Variants in MAD1L1 observed in about 807,000 individuals in gnomAD.
MAD1L1 encodes mitotic arrest deficient 1 like 1.
A neutral mutation model predicts 96.9 loss-of-function variants in MAD1L1; 95 were observed. The observed-to-expected ratio is 0.98, with a 90% CI of 0.83 to 1.16. MAD1L1 has a LOEUF of 1.16. Among genes scored for constraint, MAD1L1 ranks in the 50% most tolerant of loss-of-function variants. The probability of loss-of-function intolerance (pLI) is 0.00; values close to 1 mark genes in which losing one functional copy is unlikely to be tolerated. For missense variants in MAD1L1, 1,007 were observed against 954.4 expected (o/e 1.06, Z -0.73); for synonymous variants, 473 against 396.6 (o/e 1.19, Z -2.29).
intron 11 of MAD1L1, among the ~76,000 whole-genome samples, chr7:2,136,424 G>A (rs531819928): frequency 2.6e-4 from 40 of 152,334 alleles, no homozygotes; most frequent in South Asian, 1.2e-3. Context: ...AGGGGGACAC[G>A]TGTGGAGTGC....
At chr7:1,989,183 C>G (rs1015245237) in intron 14 of MAD1L1, among the ~76,000 whole-genome samples, 4 of 152,204 alleles carry the variant, frequency 2.6e-5, no homozygotes, top group African/African-American at 7.2e-5. Context: ...AACAAAGCCA[C>G]GGGAGCCACT....
At chr7:1,955,525 A>C (rs1779687724) in intron 16 of MAD1L1, among the ~76,000 whole-genome samples, 1 of 152,212 alleles carries the variant, frequency 6.6e-6, no homozygotes, top group Admixed American at 6.5e-5. Context: ...TCCTGACCTC[A>C]GGCAATCCAC....
chr7:2,102,382 T>TCAC (rs530516327), intron 11 of MAD1L1, among the ~76,000 whole-genome samples: 4 of 141,414 alleles, frequency 2.8e-5, no homozygotes, highest in African/African-American at 1.1e-4. Context: ...ACCGTCACCA[T>TCAC]CACCACCACC....
rs183704346 is a variant in MAD1L1 at position 1,827,128 on chromosome 7, C to T, written c.1999-10900G>A. On this transcript the variant is annotated intron_variant, in intron 18 of 18. Transcript: ENST00000265854. ...CGCAGCCCCTGCTGTGAGTGGCATC[C>T]GCCACGGGCGGCTCCAAGGGCCGTG... 9.9e-4 allele frequency among the ~76,000 whole-genome samples: 151 copies of T among 152,332 alleles called. 1 individual carries two copies. The East Asian group carries it at 0.026, about 27-fold the overall frequency.
At chr7:1,876,273 G>A (rs1329823326) in intron 18 of MAD1L1, among the ~76,000 whole-genome samples, 1 of 152,022 alleles carries the variant, frequency 6.6e-6, no homozygotes, top group Non-Finnish European at 1.5e-5. Flanking sequence ...TCCTTCTCTG[G>A]AGGCTAAGGG....
At chr7:1,982,981 T>C (rs1780974850) in intron 14 of MAD1L1, among the ~76,000 whole-genome samples, 1 of 152,204 alleles carries the variant, frequency 6.6e-6, no homozygotes, top group Admixed American at 6.5e-5. Flanking sequence ...AAAATCAAGC[T>C]GACAGGCTGG....
At position 1,941,243 on chromosome 7, in the gene MAD1L1, G is replaced by A. The variant is rs189690772; in HGVS notation, c.1597-4346C>T. On this transcript the variant is annotated intron_variant, in intron 16 of 18. Coordinates refer to ENST00000265854, the MANE Select transcript of MAD1L1 (RefSeq NM_001013836.2). ...TCCCCGGGGTGGATGTCCTGGCAACGTTCAACGTTCCACGGGCAGGAACGA... is the reference window on the plus strand; with the variant it reads ...TCCCCGGGGTGGATGTCCTGGCAACATTCAACGTTCCACGGGCAGGAACGA... Among the ~76,000 whole-genome samples the A allele has an allele frequency of 1.8e-4, 28 of 152,284 alleles. No individual in the cohort carries two copies. In the East Asian group the frequency reaches 3.5e-3, roughly 19 times the overall value.
chr7:1,871,524 C>T (rs1330885867), intron 18 of MAD1L1, among the ~76,000 whole-genome samples: 14 of 148,108 alleles, frequency 9.5e-5, no homozygotes, highest in Non-Finnish European at 1.6e-4. Flanking sequence ...ATAACACCTG[C>T]CACGCCGAAC....
At chr7:2,014,382 G>T in intron 13 of MAD1L1, 120 bp downstream of exon 13, 1 of 1,329,692 alleles carries the variant, frequency 7.5e-7, no homozygotes, top group Non-Finnish European at 1.0e-6. Flanking sequence ...ACAGACACCT[G>T]CCAGCCGGGA....
intron 13 of MAD1L1, 112 bp from the exon 14 acceptor site, chr7:2,002,233 A>G: frequency 9.1e-7 from 1 of 1,099,684 alleles, no homozygotes; most frequent in Non-Finnish European, 1.4e-6. Flanking sequence ...CTGGGGAGCA[A>G]CGGGACCCAG....
At chr7:2,191,415 T>G (rs1157522027) in intron 10 of MAD1L1, among the ~76,000 whole-genome samples, 1 of 152,216 alleles carries the variant, frequency 6.6e-6, no homozygotes, top group African/African-American at 2.4e-5. Context: ...ATTTAGAGTT[T>G]GTTTTTACTT....
chr7:2,017,944 C>T (rs1038913935), intron 12 of MAD1L1, among the ~76,000 whole-genome samples: 1 of 152,076 alleles, frequency 6.6e-6, no homozygotes, highest in Non-Finnish European at 1.5e-5. Flanking sequence ...CAGGGGAGAT[C>T]AGAGCAGCGA....
chr7:2,179,751 C>T (rs145765896), intron 10 of MAD1L1, among the ~76,000 whole-genome samples: 3,185 of 152,130 alleles, frequency 0.021, 67 homozygotes, highest in Non-Finnish European at 0.036. Flanking sequence ...GGGTGGATCA[C>T]CTGAGGTCAG....
intron 10 of MAD1L1, among the ~76,000 whole-genome samples, chr7:2,199,925 T>A (rs185608131): frequency 6.6e-6 from 1 of 152,220 alleles, no homozygotes; most frequent in Non-Finnish European, 1.5e-5. Flanking sequence ...GAAGCCTGGA[T>A]GAAAGGGATG....
chr7:2,001,352 G>C (rs1163535931), intron 14 of MAD1L1, among the ~76,000 whole-genome samples: 1 of 152,282 alleles, frequency 6.6e-6, no homozygotes, highest in Non-Finnish European at 1.5e-5. Flanking sequence ...GGGCAGCATG[G>C]AGGGAACCTA....
At chr7:2,111,432 G>GTACA (rs1787375461) in intron 11 of MAD1L1, among the ~76,000 whole-genome samples, 2 of 152,336 alleles carry the variant, frequency 1.3e-5, no homozygotes, top group South Asian at 2.1e-4. Context: ...AATGAATGAG[G>GTACA]TACAGTCTTT....
chr7:2,111,545 G>A (rs1208893125), intron 11 of MAD1L1, among the ~76,000 whole-genome samples: 10 of 152,226 alleles, frequency 6.6e-5, no homozygotes, highest in Non-Finnish European at 1.2e-4. Context: ...ATTTGATCCC[G>A]ATACGTGGGA....
At chr7:1,828,425 G>C (rs7780129) in intron 18 of MAD1L1, among the ~76,000 whole-genome samples, 1 of 152,156 alleles carries the variant, frequency 6.6e-6, no homozygotes, top group Non-Finnish European at 1.5e-5. Flanking sequence ...AGAAAACCTG[G>C]AGCATTAGAG....
intron 17 of MAD1L1, among the ~76,000 whole-genome samples, chr7:1,911,116 C>T (rs1019025914): frequency 6.6e-6 from 1 of 152,250 alleles, no homozygotes; most frequent in Admixed American, 6.5e-5. Context: ...CGCTCCTGGG[C>T]GGCCGCCTCT....
Sources: gnomAD v4.1 joint callset for allele counts (sites outside exome capture counted in the v4.1 genomes callset) on GRCh38, gnomAD v4.1.1 for gene constraint, MANE v1.5 for transcripts, NCBI Gene and HGNC (gene_info 2026-07-23, HGNC 2026-07-21) for gene names.